Variants in GIGYF2 observed in about 807,000 individuals in gnomAD.
GIGYF2 encodes the protein GRB10-interacting GYF protein 2.
Under a neutral mutation model 208.1 loss-of-function variants are expected in GIGYF2, and 25 were observed. That is an observed-to-expected ratio of 0.12 (90% CI 0.09 to 0.17). GIGYF2 has a LOEUF of 0.17. GIGYF2 is among the 10% of genes least tolerant of loss of function. The pLI is 1.00. For missense variants in GIGYF2, 1,302 were observed against 1,579.4 expected, an observed-to-expected ratio of 0.82 and a Z score of 2.98; for synonymous variants, 534 against 543.8, an observed-to-expected ratio of 0.98 and a Z score of 0.25.
At position 232,847,390 on chromosome 2, in the gene GIGYF2, A is replaced by T; in HGVS notation, c.3503A>T (p.Tyr1168Phe). The T allele has an allele frequency of 6.2e-7, 1 of 1,612,914 alleles. No homozygotes were observed. The highest frequency in any genetic ancestry group is 1.1e-5 in the South Asian group (1 of 91,064). Reference protein sequence around the residue: ...VSFLKEVESPYEVHDYIRAYL... With the variant: ...VSFLKEVESPFEVHDYIRAYL... ...TTCCTGAAAGAAGTAGAATCTCCTT[A>T]TGAGGTCCATGATTATATCAGGGCC... The change falls in exon 27 of 29, where the codon TAT (tyrosine) becomes TTT (phenylalanine). Residue 1168 changes from tyrosine to phenylalanine, a missense_variant. Around this residue, in one of 8 missense-constraint regions of GIGYF2, gnomAD observed 701 missense variants for 793.0 expected, o/e 0.88. Coordinates refer to ENST00000373563, the MANE Select transcript of GIGYF2 (RefSeq NM_001103146.3).
At chr2:232,825,427 G>A (rs1559459769) in intron 21 of GIGYF2, among the ~76,000 whole-genome samples, 1 of 152,192 alleles carries the variant, frequency 6.6e-6, no homozygotes, top group African/African-American at 2.4e-5. Flanking sequence ...AGGGGTTCAA[G>A]ACTTCAGTGG....
chr2:232,845,938 C>A, intron 26 of GIGYF2, 52 bp downstream of exon 26: 1 of 1,288,584 alleles, frequency 7.8e-7, no homozygotes, highest in Non-Finnish European at 1.1e-6. Flanking sequence ...GCAGGACCCA[C>A]AGAGAGGCTG....
intron 8 of GIGYF2, chr2:232,768,610 C>T: frequency 1.2e-6 from 2 of 1,614,118 alleles, no homozygotes; most frequent in East Asian, 2.2e-5. Flanking sequence ...TGGAAATCCA[C>T]ACTGGTCTGG....
Position 232,764,796 on chromosome 2 carries a change from A to G in GIGYF2, c.532+3360A>G, listed in dbSNP as rs540796229. Among the ~76,000 whole-genome samples, 6 of 152,338 alleles carry G rather than the reference A, an allele frequency of 3.9e-5. No homozygotes were observed. In the South Asian group the frequency reaches 1.2e-3, roughly 32 times the overall value. Reference sequence around the variant, plus strand: ...AACAATAGCCTGGTTTTAACTGTTCACACATATTCACACTTTGGTGGTTTG... The same window carrying G: ...AACAATAGCCTGGTTTTAACTGTTCGCACATATTCACACTTTGGTGGTTTG... On this transcript the variant is annotated intron_variant, in intron 8 of 28. Transcript: ENST00000373563.
Position 232,698,312 on chromosome 2 carries a change from G to A in GIGYF2, c.-110+920G>A, listed in dbSNP as rs1370226317. The A allele has an allele frequency of 4.6e-5, 7 of 152,190 alleles. No individual in the cohort carries two copies. The East Asian group carries it at 5.8e-4, about 13-fold the overall frequency. 9.4% of individuals were successfully genotyped at this position (152,190 alleles called of 1,614,324 possible). A position where few individuals can be genotyped will look rare whatever the true frequency, so the allele number is the denominator to read the frequency against. ...CGTAGTCTCTCTGTAAGAAAGGTAA[G>A]TATTCCAGTTTAACTTGCAAGAAAT... On this transcript the variant is annotated intron_variant, in intron 1 of 28. Coordinates refer to ENST00000373563, the MANE Select transcript of GIGYF2 (RefSeq NM_001103146.3).
chr2:232,770,067 C>T (rs1381646676), intron 8 of GIGYF2, among the ~76,000 whole-genome samples: 3 of 152,038 alleles, frequency 2.0e-5, no homozygotes, highest in Admixed American at 2.0e-4. Flanking sequence ...TTTATAGACC[C>T]CCTTAATTGT....
intron 2 of GIGYF2, chr2:232,734,458 C>T (rs1423927538): frequency 2.0e-5 from 3 of 152,326 alleles, no homozygotes; most frequent in South Asian, 2.1e-4. Context: ...ATTCTCCCAT[C>T]TTGGCCTCCC....
At chr2:232,709,431 C>T (rs1030302970) in intron 2 of GIGYF2, among the ~76,000 whole-genome samples, 1 of 152,308 alleles carries the variant, frequency 6.6e-6, no homozygotes, top group East Asian at 1.9e-4. Flanking sequence ...TAAAGTGATT[C>T]TCGGGCTTCA....
At chr2:232,731,999 C>T (rs114970347) in intron 2 of GIGYF2, among the ~76,000 whole-genome samples, 1,874 of 152,220 alleles carry the variant, frequency 0.012, 45 homozygotes, top group African/African-American at 0.042. Context: ...TTAAGATAGT[C>T]GTAAGATTTC....
chr2:232,822,768 C>T (rs73997548), intron 21 of GIGYF2, among the ~76,000 whole-genome samples: 2,330 of 152,232 alleles, frequency 0.015, 71 homozygotes, highest in African/African-American at 0.054. Flanking sequence ...ATATATAGAT[C>T]TTATATTCTG....
At position 232,730,014 on chromosome 2, in the gene GIGYF2, T is replaced by G. The variant is rs1286352077; in HGVS notation, c.-43-5141T>G. 3 of 782,368 alleles carry G rather than the reference T, an allele frequency of 3.8e-6. No individual in the cohort carries two copies. The African/African-American group carries it at 5.1e-5, about 13-fold the overall frequency. The allele number at this position is 782,368 out of a possible 1,614,324, so 48.5% of individuals were successfully genotyped here. The stretch of plus-strand genomic sequence containing the variant: ...TGGAAGGCTGGCCTTTTCTTTTTCG[T>G]AAGACTTGATGTGATTATACCAACG... On this transcript the variant is annotated intron_variant, in intron 2 of 28. Coordinates refer to ENST00000373563, the MANE Select transcript of GIGYF2 (RefSeq NM_001103146.3).
chr2:232,710,738 T>C (rs1382815310), intron 2 of GIGYF2, among the ~76,000 whole-genome samples: 1 of 149,576 alleles, frequency 6.7e-6, no homozygotes, highest in Non-Finnish European at 1.5e-5. Flanking sequence ...CGCTCTTGTT[T>C]CCCTGGCTGG....
At chr2:232,814,577 C>A (rs78894363) in intron 18 of GIGYF2, among the ~76,000 whole-genome samples, 1,510 of 129,994 alleles carry the variant, frequency 0.012, 70 homozygotes, top group Admixed American at 0.044. Flanking sequence ...CCCCCCCCCC[C>A]AAAAAAAAAG....
intron 6 of GIGYF2, 47 bp downstream of exon 6, chr2:232,756,381 A>T (rs1698542924): frequency 1.0e-6 from 1 of 979,692 alleles, no homozygotes; most frequent in Admixed American, 2.4e-5. Context: ...GAGGAGGAGG[A>T]TAGAGAACTT....
At chr2:232,768,389 T>C in intron 8 of GIGYF2, 1 of 1,614,162 alleles carries the variant, frequency 6.2e-7, no homozygotes, top group South Asian at 1.1e-5. Context: ...AACAGTGATG[T>C]AACATGATTT....
chr2:232,829,602 A>G (rs568576764), intron 21 of GIGYF2, among the ~76,000 whole-genome samples: 2 of 152,308 alleles, frequency 1.3e-5, no homozygotes, highest in South Asian at 2.1e-4. Context: ...TTTTAGCTTG[A>G]TCCCGAGGTC....
intron 12 of GIGYF2, among the ~76,000 whole-genome samples, chr2:232,793,619 AGGGAC>A (rs1449095507): frequency 6.6e-6 from 1 of 152,168 alleles, no homozygotes; most frequent in Admixed American, 6.5e-5. Context: ...GTTGTGAATG[AGGGAC>A]TGTAGCTAGA....
At chr2:232,838,343 C>T (rs1354904679) in intron 22 of GIGYF2, among the ~76,000 whole-genome samples, 1 of 151,772 alleles carries the variant, frequency 6.6e-6, no homozygotes, top group Non-Finnish European at 1.5e-5. Flanking sequence ...AATAGGGAGT[C>T]AGGCCAGGGA....
At chr2:232,817,161 A>G in intron 20 of GIGYF2, 129 bp downstream of exon 20, 1 of 774,306 alleles carries the variant, frequency 1.3e-6, no homozygotes, top group Non-Finnish European at 2.3e-6. Flanking sequence ...AGACTCACTC[A>G]CCTTTGGAAA....
Sources: allele counts gnomAD v4.1 joint callset (sites outside exome capture counted in the v4.1 genomes callset), GRCh38; gene constraint gnomAD v4.1.1; regional missense constraint gnomAD v4.1.1; transcripts MANE v1.5; gene names NCBI Gene and HGNC (gene_info 2026-07-23, HGNC 2026-07-21).